DNAH14: variants seen among roughly 807,000 people sequenced by gnomAD.
DNAH14 encodes axonemal beta dynein heavy chain 14.
In DNAH14, 478 loss-of-function variants were observed where a neutral mutation model predicts 520.9. The observed-to-expected ratio is 0.92, with a 90% CI of 0.85 to 0.99. DNAH14 has a LOEUF of 0.99. Ranked by LOEUF, DNAH14 falls within the 50% of genes least tolerant of loss-of-function variation. The probability of loss-of-function intolerance (pLI) is 0.00; values close to 1 mark genes in which losing one functional copy is unlikely to be tolerated. For synonymous variants in DNAH14, 1,581 were observed against 1,757.2 expected (o/e 0.90, Z 2.51); for missense variants, 4,831 against 5,234.5 (o/e 0.92, Z 2.38).
chr1:225,086,481 A>C (rs2073816134), intron 21 of DNAH14, among the ~76,000 whole-genome samples: 1 of 152,088 alleles, frequency 6.6e-6, no homozygotes, highest in African/African-American at 2.4e-5. Flanking sequence ...GACATGTGAT[A>C]ATATAGAGAT....
At chr1:225,302,563 T>C (rs1439084601) in intron 56 of DNAH14, among the ~76,000 whole-genome samples, 1 of 152,204 alleles carries the variant, frequency 6.6e-6, no homozygotes, top group African/African-American at 2.4e-5. Context: ...AGAAGGAATC[T>C]GTGCCCTGTT....
chr1:225,330,809 ATTGT>A (rs1296821446), intron 64 of DNAH14, among the ~76,000 whole-genome samples: 4 of 152,182 alleles, frequency 2.6e-5, no homozygotes, highest in Admixed American at 6.5e-5. Flanking sequence ...GTATAATTTG[ATTGT>A]TTGTAACACA....
chr1:225,205,914 G>C, intron 39 of DNAH14, 57 bp from the exon 40 acceptor site: 1 of 1,377,768 alleles, frequency 7.3e-7, no homozygotes, highest in South Asian at 1.3e-5. Flanking sequence ...TAGCAAGATT[G>C]TAATGAAAGA....
chr1:225,028,608 A>T (rs531135672), intron 11 of DNAH14, among the ~76,000 whole-genome samples: 1 of 152,224 alleles, frequency 6.6e-6, no homozygotes, highest in South Asian at 2.1e-4. Context: ...TCAATTAAAA[A>T]AAATCCCAAA....
At chr1:224,945,409 G>T (rs1420280711) in intron 1 of DNAH14, among the ~76,000 whole-genome samples, 1 of 151,940 alleles carries the variant, frequency 6.6e-6, no homozygotes, top group African/African-American at 2.4e-5. Context: ...TTTTTTTCAA[G>T]GTTTTTAACT....
intron 1 of DNAH14, among the ~76,000 whole-genome samples, chr1:224,938,338 A>G (rs966700025): frequency 1.6e-5 from 2 of 127,528 alleles, no homozygotes; most frequent in African/African-American, 1.1e-4. Flanking sequence ...GAGCTCAAAT[A>G]ACTCAATAGC....
chr1:225,206,091 T>A lies in DNAH14; in HGVS notation c.6098T>A (p.Leu2033Ter). Residue 2033 changes from leucine to a stop codon, truncating the protein, a stop_gained, in exon 40 of 86, where the codon TTA becomes TAA. Coordinates refer to ENST00000682510, the MANE Select transcript of DNAH14 (RefSeq NM_001367479.1). LOFTEE classifies it high-confidence loss of function. Reference protein sequence around the residue: ...LCLANSERIALTNKIRVIFEV... With the variant: ...LCLANSERIA ...CTAGCAAACAGTGAGAGAATAGCTT[T>A]AACTAATAAAATAAGAGTGATTTTT... is the stretch of plus-strand genomic sequence containing the variant. 1 of 1,551,516 alleles carries A rather than the reference T, an allele frequency of 6.4e-7. No homozygotes were observed. The highest frequency in any genetic ancestry group is 8.7e-7 in the Non-Finnish European group (1 of 1,146,832).
intron 72 of DNAH14, among the ~76,000 whole-genome samples, chr1:225,352,751 A>C (rs1273664604): frequency 6.6e-6 from 1 of 151,814 alleles, no homozygotes; most frequent in African/African-American, 2.4e-5. Flanking sequence ...TTGTCTATTG[A>C]ATTTGTTTTT....
chr1:225,095,963 TTTAA>T (rs767102078), intron 21 of DNAH14, among the ~76,000 whole-genome samples: 4 of 152,102 alleles, frequency 2.6e-5, no homozygotes, highest in South Asian at 2.1e-4. Flanking sequence ...AATTGTATAC[TTTAA>T]TTAATTAATT....
chr1:225,174,012 CA>C lies in DNAH14; in HGVS notation c.5535+5990del, dbSNP rs1165515683. Among the ~76,000 whole-genome samples, 6 of 151,856 alleles carry C rather than the reference CA, an allele frequency of 4.0e-5. No individual in the cohort carries two copies. In the East Asian group the frequency reaches 1.2e-3, roughly 29 times the overall value. ...CATTCTCAGCAAACTATCGCAAGGA[CA>C]AAAAACCAAACACCGCATGTTCTCA... On this transcript the variant is annotated intron_variant, in intron 36 of 85. Coordinates refer to ENST00000682510, the MANE Select transcript of DNAH14 (RefSeq NM_001367479.1).
In DNAH14 at chr1:225,240,850, ATACTT is replaced by A. The variant is rs1227152884; in HGVS notation, c.6748+29_6748+33del. On this transcript the variant is annotated intron_variant, in intron 43 of 85. Coordinates refer to ENST00000682510, the MANE Select transcript of DNAH14 (RefSeq NM_001367479.1). ...AAGTTCTGTGGGAAAAATCATAACTATACTTATTTTAAAATATTAATTTAAAGCAA... is the reference window on the plus strand; with the variant it reads ...AAGTTCTGTGGGAAAAATCATAACTAATTTTAAAATATTAATTTAAAGCAA... 24 of 1,398,128 alleles carry A rather than the reference ATACTT, an allele frequency of 1.7e-5. No homozygotes were observed. The Admixed American group carries it at 5.4e-4, about 31-fold the overall frequency. 86.6% of individuals were successfully genotyped at this position (1,398,128 alleles called of 1,614,324 possible).
chr1:225,243,744 T>C (rs1403801007), intron 43 of DNAH14, among the ~76,000 whole-genome samples: 1 of 152,118 alleles, frequency 6.6e-6, no homozygotes. Context: ...AAGGAGTTTT[T>C]GGGCTGAGAC....
At chr1:225,262,332 A>G (rs1189496983) in intron 46 of DNAH14, among the ~76,000 whole-genome samples, 4 of 151,930 alleles carry the variant, frequency 2.6e-5, no homozygotes, top group African/African-American at 7.2e-5. Flanking sequence ...GCTGTGCAGA[A>G]GCTTCTTAGT....
intron 51 of DNAH14, among the ~76,000 whole-genome samples, chr1:225,272,738 C>T (rs2093347361): frequency 6.6e-6 from 1 of 152,080 alleles, no homozygotes; most frequent in Non-Finnish European, 1.5e-5. Flanking sequence ...CCCCAAGTCC[C>T]CCTCCCTCTA....
At position 225,159,438 on chromosome 1, in the gene DNAH14, A is replaced by AT; in HGVS notation, c.5403dup (p.Pro1802SerfsTer41). 1 of 1,543,414 alleles carries AT rather than the reference A, an allele frequency of 6.5e-7. No homozygotes were observed. The highest frequency in any genetic ancestry group is 2.0e-5 in the Admixed American group (1 of 49,446). ...ACTTTTTGAAAATATTATAGGAGAT[A>AT]TTTTTCCAGAAGTGACAGTTTTGAA... is the stretch of plus-strand genomic sequence containing the variant. On this transcript the variant is annotated frameshift_variant, in exon 35 of 86. Coordinates refer to ENST00000682510, the MANE Select transcript of DNAH14 (RefSeq NM_001367479.1). LOFTEE classifies it high-confidence loss of function.
At chr1:224,941,443 C>T (rs1359140908) in intron 1 of DNAH14, among the ~76,000 whole-genome samples, 1 of 152,118 alleles carries the variant, frequency 6.6e-6, no homozygotes, top group Non-Finnish European at 1.5e-5. Flanking sequence ...GAGTAGATTG[C>T]AAAAATTTTC....
chr1:225,026,419 G>T (rs1254683937), intron 11 of DNAH14, among the ~76,000 whole-genome samples: 1 of 152,002 alleles, frequency 6.6e-6, no homozygotes. Context: ...TGCATTTTGA[G>T]TTAATTTTTG....
intron 64 of DNAH14, 122 bp from the exon 65 acceptor site, chr1:225,331,315 G>A: frequency 1.0e-6 from 1 of 962,990 alleles, no homozygotes; most frequent in Non-Finnish European, 1.5e-6. Context: ...AATCCCTCCA[G>A]AAAGATTTTC....
At chr1:225,056,821 G>T (rs890616486) in intron 17 of DNAH14, among the ~76,000 whole-genome samples, 1 of 152,140 alleles carries the variant, frequency 6.6e-6, no homozygotes, top group South Asian at 2.1e-4. Flanking sequence ...TGTCAGGTTT[G>T]TCAAAGATCA....
Sources: allele counts gnomAD v4.1 joint callset (sites outside exome capture counted in the v4.1 genomes callset), GRCh38; gene constraint gnomAD v4.1.1; transcripts MANE v1.5; gene names NCBI Gene and HGNC (gene_info 2026-07-23, HGNC 2026-07-21).